MCF2L2: variants seen among roughly 807,000 people sequenced by gnomAD.
The protein encoded by MCF2L2 is probable guanine nucleotide exchange factor MCF2L2.
Under a neutral mutation model 150.2 loss-of-function variants are expected in MCF2L2, and 102 were observed. That is an observed-to-expected ratio of 0.68 (90% CI 0.58 to 0.80). The LOEUF (loss-of-function observed/expected upper bound fraction) is 0.80. MCF2L2 is among the 30% of genes least tolerant of loss of function. MCF2L2 has a pLI of 0.00. For missense variants in MCF2L2, 1,256 were observed against 1,372.8 expected, an observed-to-expected ratio of 0.91 and a Z score of 1.34; for synonymous variants, 465 against 491.3, an observed-to-expected ratio of 0.95 and a Z score of 0.71.
intron 1 of MCF2L2, among the ~76,000 whole-genome samples, chr3:183,392,498 TA>T (rs1294995453): frequency 1.3e-5 from 2 of 152,224 alleles, no homozygotes; most frequent in Non-Finnish European, 2.9e-5. Flanking sequence ...TGAACAGGAC[TA>T]AAATTCATAA....
chr3:183,400,419 T>C (rs1228620920), intron 1 of MCF2L2: 1 of 456,662 alleles, frequency 2.2e-6, no homozygotes, highest in East Asian at 6.9e-5. Flanking sequence ...CATCTCTGCC[T>C]CTGTTATCCG....
chr3:183,249,128 AC>A (rs1174433709), intron 15 of MCF2L2, among the ~76,000 whole-genome samples: 2 of 152,256 alleles, frequency 1.3e-5, no homozygotes, highest in African/African-American at 4.8e-5. Flanking sequence ...GATTGTTCCT[AC>A]AAAAATGTCA....
intron 5 of MCF2L2, among the ~76,000 whole-genome samples, chr3:183,326,878 G>T (rs904358313): frequency 6.6e-6 from 1 of 151,984 alleles, no homozygotes; most frequent in Non-Finnish European, 1.5e-5. Flanking sequence ...ACACTAATCT[G>T]ATTTTTTACA....
At chr3:183,397,089 T>C (rs1460230657) in intron 1 of MCF2L2, among the ~76,000 whole-genome samples, 4 of 152,330 alleles carry the variant, frequency 2.6e-5, no homozygotes, top group Admixed American at 2.0e-4. Context: ...ACTAATATAA[T>C]AGGCATAGAC....
At chr3:183,310,530 G>T in intron 9 of MCF2L2, 1 of 276,206 alleles carries the variant, frequency 3.6e-6, no homozygotes, top group Non-Finnish European at 7.2e-6. Context: ...TGTGATGGTG[G>T]GGCATGCCTG....
intron 3 of MCF2L2, among the ~76,000 whole-genome samples, chr3:183,350,663 G>T (rs748122351): frequency 2.6e-5 from 4 of 152,164 alleles, no homozygotes; most frequent in Non-Finnish European, 5.9e-5. Context: ...CCAGCACTTT[G>T]GGAGGCCGAG....
At chr3:183,372,920 G>A (rs894447777) in intron 3 of MCF2L2, 1 of 152,176 alleles carries the variant, frequency 6.6e-6, no homozygotes, top group Admixed American at 6.5e-5. Context: ...TGATTGAAAC[G>A]CAGTTAAACT....
At chr3:183,272,522 A>G in intron 15 of MCF2L2, 2 of 993,960 alleles carry the variant, frequency 2.0e-6, no homozygotes, top group Non-Finnish European at 2.4e-6. Flanking sequence ...AGAAATTTTA[A>G]TTTTTTTCTA....
intron 15 of MCF2L2, among the ~76,000 whole-genome samples, chr3:183,241,910 G>T (rs1294898492): frequency 6.6e-6 from 1 of 152,200 alleles, no homozygotes; most frequent in Non-Finnish European, 1.5e-5. Flanking sequence ...CCAGGCTGAG[G>T]TGGTCTCAGA....
intron 15 of MCF2L2, among the ~76,000 whole-genome samples, chr3:183,250,226 G>A (rs528284041): frequency 6.6e-6 from 1 of 152,306 alleles, no homozygotes; most frequent in African/African-American, 2.4e-5. Context: ...GACATATTAA[G>A]CTGAAGATTG....
intron 20 of MCF2L2, among the ~76,000 whole-genome samples, chr3:183,222,865 G>A (rs1017786276): frequency 6.6e-6 from 1 of 152,162 alleles, no homozygotes; most frequent in Non-Finnish European, 1.5e-5. Context: ...CAGAGAGAGA[G>A]AGAGAAAACC....
At chr3:183,356,442 G>A (rs2108559728) in intron 3 of MCF2L2, among the ~76,000 whole-genome samples, 1 of 152,230 alleles carries the variant, frequency 6.6e-6, no homozygotes, top group South Asian at 2.1e-4. Context: ...GAACCCGGGA[G>A]GCAGAGGTTG....
chr3:183,311,780 A>G lies in MCF2L2; in HGVS notation c.754-8T>C, dbSNP rs1325440864. ...AAGTAATTTCAGCTCATCCTAGAAA[A>G]TAAAAGTAGTCTCTCTTAGAACGAA... On this transcript the variant is annotated splice_region_variant and splice_polypyrimidine_tract_variant and intron_variant, in intron 7 of 29. Transcript: ENST00000328913. 8.7e-6 allele frequency: 14 copies of G among 1,613,150 alleles called. No individual in the cohort carries two copies. The highest frequency in any genetic ancestry group is 1.3e-5 in the African/African-American group (1 of 74,860).
chr3:183,348,570 A>C (rs1032318468), intron 3 of MCF2L2, among the ~76,000 whole-genome samples: 10 of 152,154 alleles, frequency 6.6e-5, no homozygotes, highest in African/African-American at 2.4e-4. Flanking sequence ...TATAATAATA[A>C]ATAAATAAAT....
rs917447420 is a variant in MCF2L2, at chr3:183,297,231, TCAG to T, written c.1306-67_1306-65del. Reference sequence around the variant, plus strand: ...CCACAACTCAGAGCCACCGTAATCCTCAGCAGGTCTGAGCTTGTAAGGTGTCTA... The same window carrying T: ...CCACAACTCAGAGCCACCGTAATCCTCAGGTCTGAGCTTGTAAGGTGTCTA... On this transcript the variant is annotated intron_variant, in intron 11 of 29. Coordinates refer to ENST00000328913, the MANE Select transcript of MCF2L2 (RefSeq NM_015078.4). 5.0e-6 allele frequency: 7 copies of T among 1,398,326 alleles called. 1 individual carries two copies. The Admixed American group carries it at 8.9e-5, about 18-fold the overall frequency. The allele number at this position is 1,398,326 out of a possible 1,614,324, so 86.6% of individuals were successfully genotyped here.
At chr3:183,231,873 T>C (rs1314319440) in intron 15 of MCF2L2, among the ~76,000 whole-genome samples, 1 of 152,174 alleles carries the variant, frequency 6.6e-6, no homozygotes, top group Non-Finnish European at 1.5e-5. Context: ...GCAAAAGATA[T>C]GACTTCTGTC....
At chr3:183,410,160 C>T (rs1715250174) in intron 1 of MCF2L2, among the ~76,000 whole-genome samples, 4 of 152,170 alleles carry the variant, frequency 2.6e-5, no homozygotes, top group Non-Finnish European at 5.9e-5. Flanking sequence ...TTCCCCTCTC[C>T]ATCTATCTAA....
intron 3 of MCF2L2, chr3:183,375,077 T>TTAA (rs1713120303): frequency 6.6e-6 from 1 of 152,200 alleles, no homozygotes; most frequent in African/African-American, 2.4e-5. Context: ...TTTCAAAAAA[T>TTAA]TATAGTTATG....
At chr3:183,264,699 A>G (rs1011574393) in intron 15 of MCF2L2, among the ~76,000 whole-genome samples, 3 of 152,246 alleles carry the variant, frequency 2.0e-5, no homozygotes, top group African/African-American at 7.2e-5. Context: ...TCACAAAAGT[A>G]GACTCAACAA....
Sources: gnomAD v4.1 joint callset for allele counts (sites outside exome capture counted in the v4.1 genomes callset) on GRCh38, gnomAD v4.1.1 for gene constraint, MANE v1.5 for transcripts, NCBI Gene and HGNC (gene_info 2026-07-23, HGNC 2026-07-21) for gene names.